Variants in SOX9 observed in about 807,000 individuals in gnomAD.
The protein encoded by SOX9 is transcription factor SOX-9.
A neutral mutation model predicts 44.8 loss-of-function variants in SOX9; 2 were observed. The observed-to-expected ratio is 0.04, with a 90% CI of 0.02 to 0.14. The LOEUF is 0.14. Among genes scored for constraint, SOX9 ranks in the 10% least tolerant of loss-of-function variants. SOX9 has a pLI of 1.00. For synonymous variants in SOX9, 381 were observed against 331.8 expected, an observed-to-expected ratio of 1.15 and a Z score of -1.61; for missense variants, 583 against 728.6, an observed-to-expected ratio of 0.80 and a Z score of 2.30.
In SOX9 at chr17:72,123,408, C is replaced by A; in HGVS notation, c.686-135C>A. On this transcript the variant is annotated intron_variant, in intron 2 of 2. Transcript: ENST00000245479. This position sits in a 1 kb window ranked among gnomAD's most constrained non-coding sequence, Gnocchi z 6.5. ...ATCATTGGGCGACTTATCTCCGGTGCAGCGCGCCTCTTGCGCGGGTGCGGG... is the reference window on the plus strand; with the variant it reads ...ATCATTGGGCGACTTATCTCCGGTGAAGCGCGCCTCTTGCGCGGGTGCGGG... The A allele has an allele frequency of 8.2e-7, 1 of 1,213,006 alleles. No homozygotes were observed. The highest frequency in any genetic ancestry group is 1.2e-6 in the Non-Finnish European group (1 of 839,760). The allele number at this position is 1,213,006 out of a possible 1,614,324, so 75.1% of individuals were successfully genotyped here.
In SOX9 at chr17:72,124,111, C is replaced by A. The variant is rs763744617; in HGVS notation, c.1254C>A (p.Ile418=). The change falls in exon 3 of 3, where the codon ATC becomes ATA. Residue 418 remains isoleucine, a synonymous_variant. Transcript: ENST00000245479. This position sits in a 1 kb window ranked among gnomAD's most constrained non-coding sequence, Gnocchi z 4.6. ...AGCAGCAGCACTCGCCCCAACAGATCGCCTACAGCCCCTTCAACCTCCCAC... is the reference window on the plus strand; with the variant it reads ...AGCAGCAGCACTCGCCCCAACAGATAGCCTACAGCCCCTTCAACCTCCCAC... ...SEQQQHSPQQ[I]AYSPFNLPHY... The A allele has an allele frequency of 3.1e-6, 5 of 1,613,696 alleles. No homozygotes were observed. Among genetic ancestry groups the A allele is most frequent in the East Asian group, 2.2e-5 (1 of 44,894 alleles).
chr17:72,124,538 CA>C lies in SOX9; in HGVS notation c.*152del. 2.9e-6 allele frequency: 3 copies of C among 1,043,918 alleles called. No individual in the cohort carries two copies. Among genetic ancestry groups the C allele is most frequent in the Non-Finnish European group, 4.3e-6 (3 of 703,688 alleles). 64.7% of individuals were successfully genotyped at this position (1,043,918 alleles called of 1,614,324 possible). On this transcript the variant is annotated 3_prime_UTR_variant, in exon 3 of 3. Coordinates refer to ENST00000245479, the MANE Select transcript of SOX9 (RefSeq NM_000346.4). The surrounding 1 kb of genome is among the most constrained non-coding windows in gnomAD (Gnocchi z 4.6). ...TCTTCTTCTTCTTCTTCCTTAAAGA[CA>C]TTTAAGCTAAAGGCAACTCGTACCC...
In SOX9 at chr17:72,121,534, C is replaced by T. The variant is rs780613069; in HGVS notation, c.143C>T (p.Pro48Leu). ...GGCTCGGACACCGAGAACACGCGGC[C>T]CCAGGAGAACACGTTCCCCAAGGGC... ...GSGSDTENTR[P>L]QENTFPKGEP... The change falls in exon 1 of 3, where the codon CCC becomes CTC. Residue 48 changes from proline to leucine, a missense_variant. Coordinates refer to ENST00000245479, the MANE Select transcript of SOX9 (RefSeq NM_000346.4). This position sits in a 1 kb window ranked among gnomAD's most constrained non-coding sequence, Gnocchi z 8.3. 1 of 1,608,848 alleles carries T rather than the reference C, an allele frequency of 6.2e-7. No homozygotes were observed. Among genetic ancestry groups the T allele is most frequent in the Non-Finnish European group, 8.5e-7 (1 of 1,178,222 alleles).
rs367592961 is a variant in SOX9, at chr17:72,121,566, G to C, written c.175G>C (p.Asp59His). The C allele has an allele frequency of 2.5e-6, 4 of 1,609,142 alleles. No individual in the cohort carries two copies. In the East Asian group the frequency reaches 6.7e-5, roughly 27 times the overall value. ...QENTFPKGEPDLKKESEEDKF... is the reference protein window; with the variant it reads ...QENTFPKGEPHLKKESEEDKF... ...GAACACGTTCCCCAAGGGCGAGCCC[G>C]ATCTGAAGAAGGAGAGCGAGGAGGA... The change falls in exon 1 of 3, where the codon GAT (aspartate) becomes CAT (histidine). Residue 59 changes from aspartate to histidine, a missense_variant. Coordinates refer to ENST00000245479, the MANE Select transcript of SOX9 (RefSeq NM_000346.4). This position sits in a 1 kb window ranked among gnomAD's most constrained non-coding sequence, Gnocchi z 8.3.
Position 72,122,869 on chromosome 17 carries a change from G to A in SOX9, c.582G>A (p.Glu194=), listed in dbSNP as rs769303668. 44 of 1,614,048 alleles carry A rather than the reference G, an allele frequency of 2.7e-5. No individual in the cohort carries two copies. Among genetic ancestry groups the A allele is most frequent in the Non-Finnish European group, 3.6e-5 (43 of 1,180,034 alleles). ...AGGCGGAGGCAGAGGAGGCCACGGAGCAGACGCACATCTCCCCCAACGCCA... is the reference window on the plus strand; with the variant it reads ...AGGCGGAGGCAGAGGAGGCCACGGAACAGACGCACATCTCCCCCAACGCCA... ...NGQAEAEEAT[E]QTHISPNAIF... Residue 194 remains glutamate, a synonymous_variant, in exon 2 of 3, where the codon GAG becomes GAA. Transcript: ENST00000245479.
At position 72,125,212 on chromosome 17, in the gene SOX9, TA is replaced by T. The variant is rs915730495; in HGVS notation, c.*828del. ...TAAGCTTTATCATATATATATTTTT[TA>T]AAGAAGAGAAAAACACCTTGAGCCT... On this transcript the variant is annotated 3_prime_UTR_variant, in exon 3 of 3. Transcript: ENST00000245479. 26 of 227,142 alleles carry T rather than the reference TA, an allele frequency of 1.1e-4. No homozygotes were observed. Among genetic ancestry groups the T allele is most frequent in the Non-Finnish European group, 1.3e-4 (15 of 114,124 alleles). The allele number at this position is 227,142 out of a possible 1,614,324, so 14.1% of individuals were successfully genotyped here. A position where few individuals can be genotyped will look rare whatever the true frequency, so the allele number is the denominator to read the frequency against.
rs982030145 is a variant in SOX9 at position 72,125,353 on chromosome 17, G to A, written c.*966G>A. 1.8e-5 allele frequency: 4 copies of A among 228,178 alleles called. No individual in the cohort carries two copies. The highest frequency in any genetic ancestry group is 8.9e-5 in the African/African-American group (4 of 45,002). The allele number at this position is 228,178 out of a possible 1,614,324, so 14.1% of individuals were successfully genotyped here. ...AAGGCAAGCAAAGGAGATGAAATCT[G>A]TTCTGGGAATGTTTCAGCAGCCAAT... On this transcript the variant is annotated 3_prime_UTR_variant, in exon 3 of 3. Coordinates refer to ENST00000245479, the MANE Select transcript of SOX9 (RefSeq NM_000346.4).
At position 72,123,378 on chromosome 17, in the gene SOX9, G is replaced by T. The variant is rs1384706212; in HGVS notation, c.686-165G>T. On this transcript the variant is annotated intron_variant, in intron 2 of 2. Transcript: ENST00000245479. This position sits in a 1 kb window ranked among gnomAD's most constrained non-coding sequence, Gnocchi z 6.5. Reference sequence around the variant, plus strand: ...GGGGGCTGTCCAGTGTGTACCGGCGGGTTAATCATTGGGCGACTTATCTCC... The same window carrying T: ...GGGGGCTGTCCAGTGTGTACCGGCGTGTTAATCATTGGGCGACTTATCTCC... 1.3e-5 allele frequency among the ~76,000 whole-genome samples: 2 copies of T among 152,212 alleles called. No individual in the cohort carries two copies. Among genetic ancestry groups the T allele is most frequent in the Admixed American group, 6.5e-5 (1 of 15,290 alleles).
rs2143249536 is a variant in SOX9, at chr17:72,123,475, T to G, written c.686-68T>G. The G allele has an allele frequency of 6.2e-7, 1 of 1,606,626 alleles. No homozygotes were observed. Among genetic ancestry groups the G allele is most frequent in the Non-Finnish European group, 8.5e-7 (1 of 1,174,904 alleles). ...GCAGCGAGGGAGGGTCCCCGGAGGG[T>G]GCCTAAGACTAGGGCGTCTGCACAG... On this transcript the variant is annotated intron_variant, in intron 2 of 2. Transcript: ENST00000245479. This position sits in a 1 kb window ranked among gnomAD's most constrained non-coding sequence, Gnocchi z 6.5.
At position 72,121,859 on chromosome 17, in the gene SOX9, T is replaced by A. The variant is rs1414494350; in HGVS notation, c.431+37T>A. ...CGGGGGCGGCGCGGCAGGGTGGGCA[T>A]CGCGGCGGCTGGGGGCGCTGGTCAG... On this transcript the variant is annotated intron_variant, in intron 1 of 2. Transcript: ENST00000245479. This position sits in a 1 kb window ranked among gnomAD's most constrained non-coding sequence, Gnocchi z 8.3. 3 of 1,510,826 alleles carry A rather than the reference T, an allele frequency of 2.0e-6. No homozygotes were observed. The highest frequency in any genetic ancestry group is 2.7e-6 in the Non-Finnish European group (3 of 1,129,696). 93.6% of individuals were successfully genotyped at this position (1,510,826 alleles called of 1,614,324 possible).
In SOX9 at chr17:72,121,468, T is replaced by G; in HGVS notation, c.77T>G (p.Met26Arg). 5.0e-6 allele frequency: 8 copies of G among 1,612,746 alleles called. No homozygotes were observed. Among genetic ancestry groups the G allele is most frequent in the Non-Finnish European group, 5.9e-6 (7 of 1,179,772 alleles). ...KGLSGAPSPT[M>R]SEDSAGSPCP... ...CTGTCCGGCGCCCCCAGCCCCACCA[T>G]GTCCGAGGACTCCGCGGGCTCGCCC... The change falls in exon 1 of 3, where the codon ATG (methionine) becomes AGG (arginine). Residue 26 changes from methionine (M) to arginine (R), a missense_variant. By Grantham distance (91) the Met-to-Arg change is moderately conservative. Transcript: ENST00000245479. The surrounding 1 kb of genome is among the most constrained non-coding windows in gnomAD (Gnocchi z 8.3).
Position 72,121,315 on chromosome 17 carries a change from AG to A in SOX9, c.-76del, listed in dbSNP as rs1359721283. 9.7e-6 allele frequency: 13 copies of A among 1,339,248 alleles called. No individual in the cohort carries two copies. The highest frequency in any genetic ancestry group is 1.2e-5 in the Non-Finnish European group (11 of 942,392). The allele number at this position is 1,339,248 out of a possible 1,614,324, so 83.0% of individuals were successfully genotyped here. A position where few individuals can be genotyped will look rare whatever the true frequency, so the allele number is the denominator to read the frequency against. ...GCATCCGGGCAGCCGAGGGGAGAGGAGCCCGCGCCTCGAGTCCCCGAGCCGC... is the reference window on the plus strand; with the variant it reads ...GCATCCGGGCAGCCGAGGGGAGAGGACCCGCGCCTCGAGTCCCCGAGCCGC... On this transcript the variant is annotated 5_prime_UTR_variant, in exon 1 of 3. Coordinates refer to ENST00000245479, the MANE Select transcript of SOX9 (RefSeq NM_000346.4). The surrounding 1 kb of genome is among the most constrained non-coding windows in gnomAD (Gnocchi z 8.3).
At chr17:72,122,671 G>C in intron 1 of SOX9, 48 bp from the exon 2 acceptor site, 1 of 1,590,650 alleles carries the variant, frequency 6.3e-7, no homozygotes, top group Non-Finnish European at 8.6e-7. Flanking sequence ...GGATTTCACT[G>C]ACCCCTCTCC....
chr17:72,124,417 C>G lies in SOX9; in HGVS notation c.*30C>G, dbSNP rs748873802. 1.3e-6 allele frequency: 2 copies of G among 1,598,456 alleles called. No individual in the cohort carries two copies. Among genetic ancestry groups the G allele is most frequent in the East Asian group, 2.2e-5 (1 of 44,870 alleles). On this transcript the variant is annotated 3_prime_UTR_variant, in exon 3 of 3. Coordinates refer to ENST00000245479, the MANE Select transcript of SOX9 (RefSeq NM_000346.4). This position sits in a 1 kb window ranked among gnomAD's most constrained non-coding sequence, Gnocchi z 4.6. ...GCCTCCCACGAAGGGCGAAGATGGC[C>G]GAGATGATCCTAAAAATAACCGAAG...
rs1908069600 is a variant in SOX9, at chr17:72,121,096, C to G, written c.-296C>G. On this transcript the variant is annotated 5_prime_UTR_variant, in exon 1 of 3. Transcript: ENST00000245479. This position sits in a 1 kb window ranked among gnomAD's most constrained non-coding sequence, Gnocchi z 8.3. ...GACTCGCCAGTTTCAACCCCGGAAA[C>G]TTTTCTTTGCAGGAGGAGAAGAGAA... The G allele has an allele frequency of 1.8e-6, 1 of 546,626 alleles. No homozygotes were observed. The highest frequency in any genetic ancestry group is 2.0e-5 in the African/African-American group (1 of 49,646). The allele number at this position is 546,626 out of a possible 1,614,324, so 33.9% of individuals were successfully genotyped here.
In SOX9 at chr17:72,125,554, CTT is replaced by C. The variant is rs796896836; in HGVS notation, c.*1182_*1183del. The C allele has an allele frequency of 0.01, 1,886 of 185,058 alleles. No individual in the cohort carries two copies. Among genetic ancestry groups the C allele is most frequent in the Middle Eastern group, 0.02 (11 of 546 alleles). 11.5% of individuals were successfully genotyped at this position (185,058 alleles called of 1,614,324 possible). A position where few individuals can be genotyped will look rare whatever the true frequency, so the allele number is the denominator to read the frequency against. Reference sequence around the variant, plus strand: ...GTTTTAATTAAAACAAAAAAAAATTCTTTTTTTTTTTTTTTTCCAATTTTACC... The same window carrying C: ...GTTTTAATTAAAACAAAAAAAAATTCTTTTTTTTTTTTTTCCAATTTTACC... On this transcript the variant is annotated 3_prime_UTR_variant, in exon 3 of 3. Transcript: ENST00000245479.
At chr17:72,122,365 GAA>G (rs1322322953) in intron 1 of SOX9, among the ~76,000 whole-genome samples, 4 of 127,570 alleles carry the variant, frequency 3.1e-5, no homozygotes, top group Admixed American at 8.8e-5. Context: ...TAATTTGGGG[GAA>G]AGTTTTCAAA....
chr17:72,122,119 C>G (rs992619618), intron 1 of SOX9, among the ~76,000 whole-genome samples: 6 of 152,156 alleles, frequency 3.9e-5, no homozygotes, highest in African/African-American at 1.4e-4. Flanking sequence ...AGCCTGCTCT[C>G]CAGTCGCCTG....
chr17:72,123,957 C>A lies in SOX9; in HGVS notation c.1100C>A (p.Pro367Gln), dbSNP rs1908199228. Residue 367 changes from proline (P) to glutamine (Q), a missense_variant, in exon 3 of 3, where the codon CCA (proline) becomes CAA (glutamine). Around this residue, in one of 7 missense-constraint regions of SOX9, gnomAD observed 349 missense variants for 387.0 expected, o/e 0.90. Coordinates refer to ENST00000245479, the MANE Select transcript of SOX9 (RefSeq NM_000346.4). The surrounding 1 kb of genome is among the most constrained non-coding windows in gnomAD (Gnocchi z 6.5). ...QAPPQPQAAP[P>Q]QQPAAPPQQP... ...CCCCCGCAGCCGCAGGCGGCGCCCC[C>A]ACAGCAGCCGGCGGCACCCCCGCAG... The A allele has an allele frequency of 6.9e-7, 1 of 1,452,528 alleles. No individual in the cohort carries two copies. The highest frequency in any genetic ancestry group is 2.7e-5 in the East Asian group (1 of 36,870). The allele number at this position is 1,452,528 out of a possible 1,614,324, so 90.0% of individuals were successfully genotyped here.
Sources: gnomAD v4.1 joint callset for allele counts (sites outside exome capture counted in the v4.1 genomes callset) on GRCh38, gnomAD v4.1.1 for gene constraint, gnomAD v4.1.1 regional missense constraint, Gnocchi (gnomAD v3.1) non-coding constraint, MANE v1.5 for transcripts, NCBI Gene and HGNC (gene_info 2026-07-23, HGNC 2026-07-21) for gene names.